WWOX: variants seen among roughly 807,000 people sequenced by gnomAD.
WWOX encodes WW domain containing oxidoreductase, also known as WW domain-containing oxidoreductase.
In WWOX, 69 loss-of-function variants were observed where a neutral mutation model predicts 46.2. The observed-to-expected ratio is 1.49, with a 90% CI of 1.23 to 1.82. The LOEUF is 1.82. Ranked by LOEUF, WWOX falls within the 40% of genes most tolerant of loss-of-function variation. The pLI is 0.00. For missense variants in WWOX, 919 were observed against 542.6 expected (o/e 1.69, Z -6.89); for synonymous variants, 359 against 202.6 (o/e 1.77, Z -6.56).
rs2045986717 is a variant in WWOX, at chr16:78,614,987, G to A, written c.1056+182235G>A. On this transcript the variant is annotated intron_variant, in intron 8 of 8. Coordinates refer to ENST00000566780, the MANE Select transcript of WWOX (RefSeq NM_016373.4). The stretch of plus-strand genomic sequence containing the variant: ...CATGTTTAATCACGTTTTGCTCTGG[G>A]CTGTGTTATATACAGCTCCCTCCCT... 2.0e-5 allele frequency among the ~76,000 whole-genome samples: 3 copies of A among 152,072 alleles called. No homozygotes were observed. In the South Asian group the frequency reaches 6.2e-4, roughly 32 times the overall value.
chr16:78,485,882 C>T (rs1384123803), intron 8 of WWOX, among the ~76,000 whole-genome samples: 1 of 152,194 alleles, frequency 6.6e-6, no homozygotes, highest in Non-Finnish European at 1.5e-5. Context: ...GATCACTTGG[C>T]GACAAAGGCC....
intron 5 of WWOX, among the ~76,000 whole-genome samples, chr16:78,298,425 A>T (rs1296598448): frequency 6.6e-6 from 1 of 152,024 alleles, no homozygotes; most frequent in Non-Finnish European, 1.5e-5. Context: ...CTGCCCCTCA[A>T]TGCCTGTGTG....
intron 8 of WWOX, among the ~76,000 whole-genome samples, chr16:78,576,938 T>C (rs2044896107): frequency 6.6e-6 from 1 of 152,230 alleles, no homozygotes; most frequent in Non-Finnish European, 1.5e-5. Flanking sequence ...TTATATATCT[T>C]GACCATTTTA....
At chr16:78,552,252 A>G (rs2044192240) in intron 8 of WWOX, 1 of 152,056 alleles carries the variant, frequency 6.6e-6, no homozygotes, top group Non-Finnish European at 1.5e-5. Flanking sequence ...AGGCCGTCTC[A>G]CTCCGTAAAC....
intron 5 of WWOX, among the ~76,000 whole-genome samples, chr16:78,222,344 GAAAAAA>G (rs397802718): frequency 3.0e-4 from 40 of 135,486 alleles, no homozygotes; most frequent in Non-Finnish European, 5.0e-4. Flanking sequence ...CGACTTAATA[GAAAAAA>G]AAAAAAAAAA....
intron 8 of WWOX, among the ~76,000 whole-genome samples, chr16:78,793,532 C>T (rs7197824): frequency 6.6e-6 from 1 of 151,974 alleles, no homozygotes; most frequent in Non-Finnish European, 1.5e-5. Context: ...AGGTCATTAG[C>T]TCATAATGAT....
intron 8 of WWOX, among the ~76,000 whole-genome samples, chr16:78,557,619 C>G (rs1205259250): frequency 6.6e-6 from 1 of 151,482 alleles, no homozygotes; most frequent in Non-Finnish European, 1.5e-5. Context: ...TTTGCTAAAA[C>G]CACTGAAAAC....
At chr16:78,475,994 C>A (rs532062187) in intron 8 of WWOX, among the ~76,000 whole-genome samples, 1 of 152,254 alleles carries the variant, frequency 6.6e-6, no homozygotes, top group East Asian at 1.9e-4. Flanking sequence ...GTTTTTCTTT[C>A]CTCCAGCTCC....
chr16:78,381,432 T>G (rs555014312), intron 5 of WWOX, among the ~76,000 whole-genome samples: 2 of 151,132 alleles, frequency 1.3e-5, no homozygotes, highest in East Asian at 3.9e-4. Flanking sequence ...GCACCTGGGT[T>G]GTTTGATTAT....
chr16:78,477,656 T>C (rs1244233717), intron 8 of WWOX, among the ~76,000 whole-genome samples: 1 of 152,214 alleles, frequency 6.6e-6, no homozygotes, highest in Non-Finnish European at 1.5e-5. Context: ...TCATATCATA[T>C]ATATAAATCA....
chr16:78,224,053 GA>G (rs1169472203), intron 5 of WWOX, among the ~76,000 whole-genome samples: 1 of 152,124 alleles, frequency 6.6e-6, no homozygotes, highest in Non-Finnish European at 1.5e-5. Flanking sequence ...GCCCAGGCAG[GA>G]ATGCAGTGGG....
At chr16:79,003,869 A>G (rs2047141599) in intron 8 of WWOX, among the ~76,000 whole-genome samples, 1 of 152,134 alleles carries the variant, frequency 6.6e-6, no homozygotes, top group Non-Finnish European at 1.5e-5. Context: ...GATTAAGGGG[A>G]AGGGACACAG....
chr16:79,104,040 G>T (rs1156566772), intron 8 of WWOX, among the ~76,000 whole-genome samples: 21 of 61,822 alleles, frequency 3.4e-4, no homozygotes, highest in South Asian at 1.5e-3. Flanking sequence ...CCTTTTTTGG[G>T]GGGGGGGGGG....
At chr16:78,187,970 T>C (rs1223527054) in intron 5 of WWOX, among the ~76,000 whole-genome samples, 1 of 152,202 alleles carries the variant, frequency 6.6e-6, no homozygotes, top group African/African-American at 2.4e-5. Flanking sequence ...TATGGATGCA[T>C]TCCAAGAATT....
intron 8 of WWOX, among the ~76,000 whole-genome samples, chr16:78,983,867 A>ATTG (rs1597237492): frequency 1.9e-5 from 1 of 53,852 alleles, no homozygotes; most frequent in African/African-American, 5.0e-5. Flanking sequence ...TATGAGAGCT[A>ATTG]TTCTTTTTTT....
At chr16:78,626,419 A>G (rs1329299661) in intron 8 of WWOX, among the ~76,000 whole-genome samples, 1 of 152,124 alleles carries the variant, frequency 6.6e-6, no homozygotes, top group Non-Finnish European at 1.5e-5. Flanking sequence ...CTGGTTGGGT[A>G]TTCTGTAGGA....
chr16:78,540,641 G>T (rs1310965533), intron 8 of WWOX, among the ~76,000 whole-genome samples: 1 of 151,886 alleles, frequency 6.6e-6, no homozygotes, highest in African/African-American at 2.4e-5. Flanking sequence ...CCTGAGCTCT[G>T]AGTTTCTGTG....
chr16:78,568,768 T>C (rs2044640873), intron 8 of WWOX, among the ~76,000 whole-genome samples: 1 of 152,116 alleles, frequency 6.6e-6, no homozygotes, highest in African/African-American at 2.4e-5. Context: ...AGCCACAGCG[T>C]CCAGCCCCAA....
chr16:78,992,105 C>T (rs1309494948), intron 8 of WWOX, among the ~76,000 whole-genome samples: 2 of 152,130 alleles, frequency 1.3e-5, no homozygotes, highest in African/African-American at 4.8e-5. Flanking sequence ...GTGCTAGTTA[C>T]TAAAGATGTA....
Sources: allele counts gnomAD v4.1 joint callset (sites outside exome capture counted in the v4.1 genomes callset), GRCh38; gene constraint gnomAD v4.1.1; transcripts MANE v1.5; gene names NCBI Gene and HGNC (gene_info 2026-07-23, HGNC 2026-07-21).